The following ZNF66 variants were observed in gnomAD, a reference collection of about 807,000 sequenced individuals.
The protein encoded by ZNF66 is putative zinc finger protein 66.
ZNF66 carries 32 observed loss-of-function variants against 35.2 expected under a neutral mutation model. The observed-to-expected ratio is 0.91, with a 90% CI of 0.69 to 1.22. The LOEUF (loss-of-function observed/expected upper bound fraction) is 1.22, where lower values mean the gene tolerates loss of function less well. Among genes scored for constraint, ZNF66 ranks in the 50% most tolerant of loss-of-function variants. ZNF66 has a pLI of 0.00. For synonymous variants in ZNF66, 231 were observed against 181.3 expected (o/e 1.27, Z -2.20); for missense variants, 666 against 543.1 (o/e 1.23, Z -2.25).
At chr19:20,805,574 T>TC (rs1971493905) in intron 3 of ZNF66, among the ~76,000 whole-genome samples, 1 of 151,586 alleles carries the variant, frequency 6.6e-6, no homozygotes, top group South Asian at 2.1e-4. Context: ...TTTTTTTTTT[T>TC]CTTCTATGTG....
chr19:20,782,290 G>A (rs977447804), intron 1 of ZNF66, among the ~76,000 whole-genome samples: 2 of 152,140 alleles, frequency 1.3e-5, no homozygotes, highest in African/African-American at 4.8e-5. Context: ...GGCATTTAGG[G>A]CCTGTCCTTG....
chr19:20,791,319 T>C (rs1380255790), intron 1 of ZNF66, among the ~76,000 whole-genome samples: 2 of 151,914 alleles, frequency 1.3e-5, no homozygotes, highest in African/African-American at 4.8e-5. Flanking sequence ...ACCCCGTCCC[T>C]ACTAAAAATA....
chr19:20,787,237 G>A (rs996655755), intron 1 of ZNF66, among the ~76,000 whole-genome samples: 2 of 150,458 alleles, frequency 1.3e-5, no homozygotes, highest in Non-Finnish European at 3.0e-5. Context: ...TAGATTCCAG[G>A]CAACTTGAAT....
rs1971379637 is a variant in ZNF66 at position 20,795,168 on chromosome 19, C to T, written c.226+1290C>T. 2.0e-5 allele frequency among the ~76,000 whole-genome samples: 3 copies of T among 152,002 alleles called. No individual in the cohort carries two copies. In the South Asian group the frequency reaches 6.2e-4, roughly 32 times the overall value. On this transcript the variant is annotated intron_variant, in intron 3 of 3. Coordinates refer to ENST00000344519, the MANE Select transcript of ZNF66 (RefSeq NM_001355197.2). ...GGGATTACAGCCATGAGCCACCATG[C>T]CTGGCTGGATTTTTTTATTTCTGTG...
intron 1 of ZNF66, among the ~76,000 whole-genome samples, chr19:20,788,834 C>T (rs1320077754): frequency 4.6e-5 from 7 of 151,954 alleles, no homozygotes; most frequent in Non-Finnish European, 1.0e-4. Context: ...AGGTGGATCA[C>T]AAGGTCAGGA....
chr19:20,804,484 A>ATC (rs1971480645), intron 3 of ZNF66, among the ~76,000 whole-genome samples: 2 of 151,972 alleles, frequency 1.3e-5, no homozygotes, highest in South Asian at 4.2e-4. Context: ...ACCTCAAATG[A>ATC]TCCATCCACC....
chr19:20,792,855 G>T (rs2144902844), intron 2 of ZNF66, among the ~76,000 whole-genome samples: 1 of 152,094 alleles, frequency 6.6e-6, no homozygotes, highest in East Asian at 1.9e-4. Context: ...ATTACCTGAG[G>T]CCAGGAGTTT....
At chr19:20,781,061 A>T (rs1971241228) in intron 1 of ZNF66, among the ~76,000 whole-genome samples, 1 of 152,162 alleles carries the variant, frequency 6.6e-6, no homozygotes, top group Non-Finnish European at 1.5e-5. Context: ...CTAAATCTGC[A>T]GCAGCAACCA....
intron 1 of ZNF66, among the ~76,000 whole-genome samples, chr19:20,781,513 CTT>C (rs113379208): frequency 4.8e-5 from 7 of 145,670 alleles, no homozygotes; most frequent in African/African-American, 5.0e-5. Flanking sequence ...ATTATTTTAT[CTT>C]TTTTTTTTTT....
chr19:20,806,943 C>T lies in ZNF66; in HGVS notation c.1343C>T (p.Thr448Ile), dbSNP rs1228600867. 8.6e-7 allele frequency: 1 copy of T among 1,160,100 alleles called. No individual in the cohort carries two copies. The highest frequency in any genetic ancestry group is 2.3e-5 in the East Asian group (1 of 42,736). The allele number at this position is 1,160,100 out of a possible 1,614,324, so 71.9% of individuals were successfully genotyped here. Residue 448 changes from threonine (T) to isoleucine (I), a missense_variant, in exon 4 of 4, where the codon ACT becomes ATT. Coordinates refer to ENST00000344519, the MANE Select transcript of ZNF66 (RefSeq NM_001355197.2). ...CTTACTACACATAAGATAATTCACA[C>T]TGGAGAGAAACCCTACGAATGTGAA... Reference protein sequence around the residue: ...SILTTHKIIHTGEKPYECEDC... With the variant: ...SILTTHKIIHIGEKPYECEDC...
intron 1 of ZNF66, among the ~76,000 whole-genome samples, chr19:20,781,333 G>A (rs191817048): frequency 2.6e-4 from 39 of 152,116 alleles, no homozygotes; most frequent in Middle Eastern, 3.4e-3. Flanking sequence ...GTTAACTTAC[G>A]TACTAAGCAT....
rs1202353937 is a variant in ZNF66 at position 20,776,339 on chromosome 19, T to G, written c.-109T>G. 1.4e-6 allele frequency: 2 copies of G among 1,471,658 alleles called. No homozygotes were observed. Among genetic ancestry groups the G allele is most frequent in the East Asian group, 2.3e-5 (1 of 43,878 alleles). The allele number at this position is 1,471,658 out of a possible 1,614,324, so 91.2% of individuals were successfully genotyped here. On this transcript the variant is annotated 5_prime_UTR_variant, in exon 1 of 4. Transcript: ENST00000344519. ...GCAGCTGGAGCTCCAGGTCGTCTGT[T>G]CACTGCTCTCTGTCTTCTTCTCCTA...
At chr19:20,803,416 C>G (rs1971469901) in intron 3 of ZNF66, among the ~76,000 whole-genome samples, 1 of 151,664 alleles carries the variant, frequency 6.6e-6, no homozygotes, top group Admixed American at 6.6e-5. Context: ...CATAAAACCT[C>G]TAAAAGATCC....
intron 1 of ZNF66, among the ~76,000 whole-genome samples, chr19:20,790,766 G>C (rs62125585): frequency 7.0e-6 from 1 of 142,868 alleles, no homozygotes; most frequent in Non-Finnish European, 1.5e-5. Flanking sequence ...AAAAAAAAGG[G>C]CTTCAGGTAA....
At chr19:20,794,397 C>CT (rs1236830053) in intron 3 of ZNF66, 1 of 150,942 alleles carries the variant, frequency 6.6e-6, no homozygotes, top group South Asian at 2.1e-4. Context: ...CTGTTTTCTT[C>CT]TTTTTCCTCA....
chr19:20,799,736 C>T (rs1971430592), intron 3 of ZNF66, among the ~76,000 whole-genome samples: 1 of 152,116 alleles, frequency 6.6e-6, no homozygotes, highest in African/African-American at 2.4e-5. Context: ...TGTGGAAGAT[C>T]ATTTGATCAT....
In ZNF66 at chr19:20,809,360, C is replaced by G. The variant is rs1375626559; in HGVS notation, c.*2038C>G. On this transcript the variant is annotated 3_prime_UTR_variant, in exon 4 of 4. Transcript: ENST00000344519. ...CAAAGATACTCCTTGAGAAGAGCAA[C>G]TCCAAGACACATAATTGTCAGATTC... 6.6e-6 allele frequency among the ~76,000 whole-genome samples: 1 copy of G among 151,928 alleles called. No individual in the cohort carries two copies. The highest frequency in any genetic ancestry group is 1.5e-5 in the Non-Finnish European group (1 of 67,966).
intron 3 of ZNF66, among the ~76,000 whole-genome samples, chr19:20,801,040 A>G (rs1050985121): frequency 1.3e-5 from 2 of 152,108 alleles, no homozygotes; most frequent in African/African-American, 2.4e-5. Flanking sequence ...GATAAATATT[A>G]TAGTTATAGA....
At chr19:20,805,668 T>G (rs147960305) in intron 3 of ZNF66, among the ~76,000 whole-genome samples, 159 bp from the exon 4 acceptor site, 1 of 152,084 alleles carries the variant, frequency 6.6e-6, no homozygotes, top group East Asian at 1.9e-4. Flanking sequence ...GGGCAGTATG[T>G]TTTTTTTACA....
Sources: allele counts gnomAD v4.1 joint callset (sites outside exome capture counted in the v4.1 genomes callset), GRCh38; gene constraint gnomAD v4.1.1; transcripts MANE v1.5; gene names NCBI Gene and HGNC (gene_info 2026-07-23, HGNC 2026-07-21).